The following ZNF224 variants were observed in gnomAD, a reference collection of about 807,000 sequenced individuals.
ZNF224 encodes the protein zinc finger protein 224.
A neutral mutation model predicts 10.5 loss-of-function variants in ZNF224; 8 were observed. The ratio of observed to expected loss-of-function variants is 0.76; its 90% CI spans 0.45 to 1.37. The LOEUF is 1.37. ZNF224 is among the 40% of genes most tolerant of loss of function. ZNF224 has a pLI of 0.00. For synonymous variants in ZNF224, 282 were observed against 287.8 expected (o/e 0.98, Z 0.20); for missense variants, 754 against 854.0 (o/e 0.88, Z 1.46).
At position 44,106,885 on chromosome 19, in the gene ZNF224, G is replaced by A. The variant is rs772860046; in HGVS notation, c.725G>A (p.Ser242Asn). 3.1e-6 allele frequency: 5 copies of A among 1,609,892 alleles called. No individual in the cohort carries two copies. The highest frequency in any genetic ancestry group is 3.3e-5 in the Admixed American group (2 of 59,932). Residue 242 changes from serine (S) to asparagine (N), a missense_variant, in exon 6 of 6, where the codon AGT becomes AAT. Physicochemically the swap from Ser to Asn is conservative, Grantham distance 46 (BLOSUM62 1). Coordinates refer to ENST00000693561, the MANE Select transcript of ZNF224 (RefSeq NM_001321645.3). ...FKCVECGKGF[S>N]RRSALNVHHK... is the part of the protein sequence containing the mutation. ...TGTGTGGAATGTGGGAAAGGCTTCAGTCGTAGATCAGCACTTAATGTTCAT... is the reference window on the plus strand; with the variant it reads ...TGTGTGGAATGTGGGAAAGGCTTCAATCGTAGATCAGCACTTAATGTTCAT...
rs145861243 is a variant in ZNF224, at chr19:44,107,093, G to A, written c.933G>A (p.Thr311=). 4.0e-4 allele frequency: 633 copies of A among 1,602,200 alleles called. 4 individuals carry two copies. In the South Asian group the frequency reaches 6.1e-3, roughly 15 times the overall value. Residue 311 remains threonine (T), a synonymous_variant, in exon 6 of 6, where the codon ACG becomes ACA. Coordinates refer to ENST00000693561, the MANE Select transcript of ZNF224 (RefSeq NM_001321645.3). ...SRLNRHSMVH[T]AEKPFRCDTC... is the part of the protein sequence containing the mutation. Reference sequence around the variant, plus strand: ...TTAATAGGCATTCCATGGTTCACACGGCAGAGAAACCATTCCGATGTGATA... The same window carrying A: ...TTAATAGGCATTCCATGGTTCACACAGCAGAGAAACCATTCCGATGTGATA...
rs897279760 is a variant in ZNF224, at chr19:44,107,202, G to A, written c.1042G>A (p.Glu348Lys). The change falls in exon 6 of 6, where the codon GAG (glutamate) becomes AAG (lysine). Residue 348 changes from glutamate to lysine, a missense_variant. Coordinates refer to ENST00000693561, the MANE Select transcript of ZNF224 (RefSeq NM_001321645.3). The part of the protein sequence containing the change: ...HTGEKPYKCE[E>K]CGKGFICRRD... Reference sequence around the variant, plus strand: ...AGGAGAGAAACCATACAAATGTGAGGAGTGTGGAAAAGGCTTTATTTGTAG... The same window carrying A: ...AGGAGAGAAACCATACAAATGTGAGAAGTGTGGAAAAGGCTTTATTTGTAG... 1.9e-6 allele frequency: 3 copies of A among 1,605,344 alleles called. No homozygotes were observed. Among genetic ancestry groups the A allele is most frequent in the African/African-American group, 1.3e-5 (1 of 74,646 alleles).
Position 44,101,192 on chromosome 19 carries a change from A to T in ZNF224, c.202A>T (p.Met68Leu). Residue 68 changes from methionine to leucine, a missense_variant, in exon 5 of 6, where the codon ATG becomes TTG. Physicochemically the swap from Met to Leu is conservative, Grantham distance 15 (BLOSUM62 2). Transcript: ENST00000693561. ...HFLREEKIWMMKTAIQREGNS... is the reference protein window; with the variant it reads ...HFLREEKIWMLKTAIQREGNS... ...CCTAAGGGAAGAAAAGATTTGGATG[A>T]TGAAGACAGCAATCCAAAGGGAAGG... is the stretch of plus-strand genomic sequence containing the variant. The T allele has an allele frequency of 6.2e-7, 1 of 1,614,182 alleles. No homozygotes were observed. Among genetic ancestry groups the T allele is most frequent in the Non-Finnish European group, 8.5e-7 (1 of 1,180,002 alleles).
chr19:44,108,309 T>TG lies in ZNF224; in HGVS notation c.*25_*26insG. The TG allele has an allele frequency of 1.9e-6, 3 of 1,577,230 alleles. No homozygotes were observed. Among genetic ancestry groups the TG allele is most frequent in the Non-Finnish European group, 1.7e-6 (2 of 1,162,504 alleles). ...GTGATGTGATGGTGCAATAAAGTCT[T>TG]CACTCAGTCTTCATGAATGCAGTCT... is the stretch of plus-strand genomic sequence containing the variant. On this transcript the variant is annotated 3_prime_UTR_variant, in exon 6 of 6. Transcript: ENST00000693561.
chr19:44,097,282 A>C (rs913183482), intron 2 of ZNF224, among the ~76,000 whole-genome samples: 1 of 152,220 alleles, frequency 6.6e-6, no homozygotes, highest in African/African-American at 2.4e-5. Context: ...ATTGTATCAT[A>C]TAACTTACTT....
rs773857557 is a variant in ZNF224, at chr19:44,107,560, G to A, written c.1400G>A (p.Arg467Gln). The change falls in exon 6 of 6, where the codon CGG (arginine) becomes CAG (glutamine). Residue 467 changes from arginine (R) to glutamine (Q), a missense_variant. Arg to Gln is a conservative substitution (Grantham distance 43). Transcript: ENST00000693561. ...NCKECGKSFS[R>Q]APCLLKHERL... ...AAGGAATGTGGGAAGAGCTTTAGTC[G>A]GGCCCCATGTCTTTTGAAACATGAG... 16 of 1,613,498 alleles carry A rather than the reference G, an allele frequency of 9.9e-6. No individual in the cohort carries two copies. The highest frequency in any genetic ancestry group is 4.5e-5 in the East Asian group (2 of 44,870).
chr19:44,100,679 T>C (rs750313106), intron 3 of ZNF224, 122 bp from the exon 4 acceptor site: 1 of 1,241,382 alleles, frequency 8.1e-7, no homozygotes, highest in African/African-American at 1.5e-5. Context: ...AATCTACGAG[T>C]TGACCTATGT....
At position 44,106,619 on chromosome 19, in the gene ZNF224, T is replaced by C. The variant is rs1265829822; in HGVS notation, c.459T>C (p.Tyr153=). The C allele has an allele frequency of 6.2e-7, 1 of 1,601,120 alleles. No homozygotes were observed. Among genetic ancestry groups the C allele is most frequent in the East Asian group, 2.2e-5 (1 of 44,796 alleles). The part of the protein sequence containing the change: ...TRQKSSQGNG[Y]KPSFSDVSHF... ...AGAAATCTTCCCAGGGCAATGGATA[T>C]AAACCATCCTTCAGTGATGTCTCCC... Residue 153 remains tyrosine, a synonymous_variant, in exon 6 of 6, where the codon TAT becomes TAC. Coordinates refer to ENST00000693561, the MANE Select transcript of ZNF224 (RefSeq NM_001321645.3).
chr19:44,103,716 G>T (rs1214049758), intron 5 of ZNF224, among the ~76,000 whole-genome samples: 2 of 150,778 alleles, frequency 1.3e-5, no homozygotes, highest in Non-Finnish European at 1.5e-5. Flanking sequence ...TTTGAGACAG[G>T]GTCTCACTCT....
intron 3 of ZNF224, among the ~76,000 whole-genome samples, chr19:44,098,652 C>T (rs945536327): frequency 2.6e-5 from 4 of 151,812 alleles, no homozygotes; most frequent in East Asian, 1.9e-4. Flanking sequence ...GGTGCGATCT[C>T]GGCTCACTGC....
Position 44,109,755 on chromosome 19 carries a change from C to T in ZNF224, c.*1471C>T, listed in dbSNP as rs1175172500. 1 of 152,170 alleles carries T rather than the reference C, an allele frequency of 6.6e-6. No homozygotes were observed. Among genetic ancestry groups the T allele is most frequent in the East Asian group, 1.9e-4 (1 of 5,202 alleles). 9.4% of individuals were successfully genotyped at this position (152,170 alleles called of 1,614,324 possible). A position where few individuals can be genotyped will look rare whatever the true frequency, so the allele number is the denominator to read the frequency against. On this transcript the variant is annotated 3_prime_UTR_variant, in exon 6 of 6. Transcript: ENST00000693561. ...TGAGATGATGACATAGACACAATAACAAAAGGAGAAAAACAATGTGGCTTT... is the reference window on the plus strand; with the variant it reads ...TGAGATGATGACATAGACACAATAATAAAAGGAGAAAAACAATGTGGCTTT...
chr19:44,103,717 G>C (rs1599663342), intron 5 of ZNF224, among the ~76,000 whole-genome samples: 1 of 151,410 alleles, frequency 6.6e-6, no homozygotes, highest in African/African-American at 2.4e-5. Flanking sequence ...TTGAGACAGG[G>C]TCTCACTCTG....
At position 44,108,179 on chromosome 19, in the gene ZNF224, C is replaced by G; in HGVS notation, c.2019C>G (p.Val673=). The part of the protein sequence containing the change: ...RRLNLDMHQR[V]HMGEKTWKCR... ...TGAATCTTGATATGCATCAGAGGGTCCACATGGGAGAGAAAACATGGAAGT... is the reference window on the plus strand; with the variant it reads ...TGAATCTTGATATGCATCAGAGGGTGCACATGGGAGAGAAAACATGGAAGT... The change falls in exon 6 of 6, where the codon GTC becomes GTG. Residue 673 remains valine (V), a synonymous_variant. Coordinates refer to ENST00000693561, the MANE Select transcript of ZNF224 (RefSeq NM_001321645.3). 6.2e-7 allele frequency: 1 copy of G among 1,614,122 alleles called. No individual in the cohort carries two copies.
At position 44,108,218 on chromosome 19, in the gene ZNF224, T is replaced by C. The variant is rs975207260; in HGVS notation, c.2058T>C (p.Asp686=). Residue 686 remains aspartate, a synonymous_variant, in exon 6 of 6, where the codon GAT becomes GAC. Transcript: ENST00000693561. The part of the protein sequence containing the change: ...GEKTWKCREC[D]MCFSQASSLR... Reference sequence around the variant, plus strand: ...AAACATGGAAGTGTAGGGAGTGTGATATGTGCTTTAGTCAGGCCTCAAGCC... The same window carrying C: ...AAACATGGAAGTGTAGGGAGTGTGACATGTGCTTTAGTCAGGCCTCAAGCC... 5 of 1,613,776 alleles carry C rather than the reference T, an allele frequency of 3.1e-6. No homozygotes were observed. In the African/African-American group the frequency reaches 6.7e-5, roughly 22 times the overall value.
chr19:44,106,480 T>C lies in ZNF224; in HGVS notation c.320T>C (p.Ile107Thr), dbSNP rs779748808. 32 of 1,613,978 alleles carry C rather than the reference T, an allele frequency of 2.0e-5. No homozygotes were observed. The highest frequency in any genetic ancestry group is 1.2e-4 in the South Asian group (11 of 91,086). The change falls in exon 6 of 6, where the codon ATT becomes ACT. Residue 107 changes from isoleucine to threonine, a missense_variant. Coordinates refer to ENST00000693561, the MANE Select transcript of ZNF224 (RefSeq NM_001321645.3). Reference protein sequence around the residue: ...EWSFQQIWEKIASDLTRSQDL... With the variant: ...EWSFQQIWEKTASDLTRSQDL... ...TCCTTCCAGCAAATCTGGGAAAAAA[T>C]TGCAAGTGATTTAACCAGGTCTCAA...
In ZNF224 at chr19:44,106,698, G is replaced by A. The variant is rs1967671269; in HGVS notation, c.538G>A (p.Glu180Lys). ...HSGEKSHTCD[E>K]CGKNFCYISA... ...AGGAGAGAAATCTCATACGTGTGAT[G>A]AGTGTGGAAAGAACTTTTGTTACAT... The change falls in exon 6 of 6, where the codon GAG becomes AAG. Residue 180 changes from glutamate to lysine, a missense_variant. Coordinates refer to ENST00000693561, the MANE Select transcript of ZNF224 (RefSeq NM_001321645.3). 1.9e-6 allele frequency: 3 copies of A among 1,604,174 alleles called. No homozygotes were observed. The South Asian group carries it at 3.4e-5, about 18-fold the overall frequency.
intron 2 of ZNF224, among the ~76,000 whole-genome samples, chr19:44,096,870 C>T (rs73558293): frequency 0.016 from 2,446 of 152,144 alleles, 78 homozygotes; most frequent in African/African-American, 0.053. Context: ...AATTCATGTG[C>T]GGGTTCACAT....
Position 44,107,430 on chromosome 19 carries a change from G to A in ZNF224, c.1270G>A (p.Gly424Arg), listed in dbSNP as rs1190954525. 7 of 1,608,064 alleles carry A rather than the reference G, an allele frequency of 4.4e-6. No homozygotes were observed. The East Asian group carries it at 1.3e-4, about 31-fold the overall frequency. The change falls in exon 6 of 6, where the codon GGA becomes AGA. Residue 424 changes from glycine (G) to arginine (R), a missense_variant. By Grantham distance (125) the Gly-to-Arg change is moderately radical (BLOSUM62 -2). Transcript: ENST00000693561. ...CTATTCCCACCAGAGATCCCATAGT[G>A]GAGAAAAACCATACAAATGTGTGGA... is the stretch of plus-strand genomic sequence containing the variant. ...QCYSHQRSHS[G>R]EKPYKCVECG... is the part of the protein sequence containing the mutation.
At chr19:44,102,271 CT>C (rs1362702005) in intron 5 of ZNF224, among the ~76,000 whole-genome samples, 1 of 152,226 alleles carries the variant, frequency 6.6e-6, no homozygotes, top group Non-Finnish European at 1.5e-5. Flanking sequence ...AAACCACTCT[CT>C]TTATAATTCC....
Sources: allele counts gnomAD v4.1 joint callset (sites outside exome capture counted in the v4.1 genomes callset), GRCh38; gene constraint gnomAD v4.1.1; transcripts MANE v1.5; gene names NCBI Gene and HGNC (gene_info 2026-07-23, HGNC 2026-07-21).